CCT2: variants seen among roughly 807,000 people sequenced by gnomAD.
The protein encoded by CCT2 is T-complex protein 1 subunit beta.
CCT2 carries 18 observed loss-of-function variants against 61.8 expected under a neutral mutation model. The ratio of observed to expected loss-of-function variants is 0.29; its 90% CI spans 0.20 to 0.43. CCT2 has a LOEUF of 0.43. Among genes scored for constraint, CCT2 ranks in the 20% least tolerant of loss-of-function variants. CCT2 has a pLI of 1.00. For missense variants in CCT2, 556 were observed against 656.9 expected (o/e 0.85, Z 1.68); for synonymous variants, 248 against 215.9 (o/e 1.15, Z -1.30).
intron 12 of CCT2, 60 bp downstream of exon 12, chr12:69,597,826 A>T: frequency 6.6e-7 from 1 of 1,509,550 alleles, no homozygotes; most frequent in South Asian, 1.2e-5. Context: ...TATAAGTCAT[A>T]AGTGGTTTTA....
intron 1 of CCT2, chr12:69,585,860 G>T (rs1428439660): frequency 7.6e-7 from 1 of 1,307,418 alleles, no homozygotes; most frequent in African/African-American, 1.5e-5. Context: ...GGAGCGACGG[G>T]GTCTGAGCCA....
intron 7 of CCT2, among the ~76,000 whole-genome samples, chr12:69,590,982 G>T (rs1881818505): frequency 1.3e-5 from 2 of 151,692 alleles, no homozygotes; most frequent in Non-Finnish European, 2.9e-5. Flanking sequence ...GCCTCCCAAA[G>T]TACTGGGATT....
At chr12:69,590,563 A>G (rs910326531) in intron 7 of CCT2, among the ~76,000 whole-genome samples, 6 of 152,198 alleles carry the variant, frequency 3.9e-5, no homozygotes, top group African/African-American at 9.7e-5. Flanking sequence ...AGAAGGAAAA[A>G]AAAAGAATTA....
At chr12:69,592,844 C>A in intron 8 of CCT2, 132 bp from the exon 9 acceptor site, 1 of 711,126 alleles carries the variant, frequency 1.4e-6, no homozygotes, top group Non-Finnish European at 2.2e-6. Flanking sequence ...AGGAGAATCA[C>A]TTGAACCCAG....
Position 69,601,404 on chromosome 12 carries a change from T to G in CCT2, c.*79T>G. The G allele has an allele frequency of 6.2e-7, 1 of 1,613,312 alleles. No individual in the cohort carries two copies. Among genetic ancestry groups the G allele is most frequent in the Non-Finnish European group, 8.5e-7 (1 of 1,179,724 alleles). The stretch of plus-strand genomic sequence containing the variant: ...AAAGATACTCTATTAAAGAAGACTG[T>G]GGAATCTGTTTATCGGTGCCCATTA... On this transcript the variant is annotated 3_prime_UTR_variant, in exon 16 of 16. Coordinates refer to ENST00000299300, the MANE Select transcript of CCT2 (RefSeq NM_006431.3).
intron 10 of CCT2, among the ~76,000 whole-genome samples, chr12:69,596,653 AAGTGTAT>A: frequency 6.6e-6 from 1 of 152,308 alleles, no homozygotes; most frequent in African/African-American, 2.4e-5. Context: ...GCAGTTCATG[AAGTGTAT>A]AGTGGTTGAC....
chr12:69,590,740 G>A (rs1411819016), intron 7 of CCT2, among the ~76,000 whole-genome samples: 9 of 140,498 alleles, frequency 6.4e-5, no homozygotes, highest in East Asian at 2.2e-4. Flanking sequence ...TTTTTGAGAC[G>A]GAGTCTGGCT....
intron 15 of CCT2, among the ~76,000 whole-genome samples, chr12:69,600,993 G>T (rs530853414): frequency 4.6e-5 from 7 of 152,172 alleles, no homozygotes; most frequent in Non-Finnish European, 8.8e-5. Context: ...GCATCACACA[G>T]AGGAGGGGGC....
rs970260674 is a variant in CCT2 at position 69,585,842 on chromosome 12, C to T, written c.3+318C>T. 1.4e-5 allele frequency: 18 copies of T among 1,312,902 alleles called. No individual in the cohort carries two copies. In the Admixed American group the frequency reaches 5.1e-4, roughly 38 times the overall value. 81.3% of individuals were successfully genotyped at this position (1,312,902 alleles called of 1,614,324 possible). A position where few individuals can be genotyped will look rare whatever the true frequency, so the allele number is the denominator to read the frequency against. On this transcript the variant is annotated intron_variant, in intron 1 of 15. Coordinates refer to ENST00000299300, the MANE Select transcript of CCT2 (RefSeq NM_006431.3). Reference sequence around the variant, plus strand: ...ACCCGCTCCGCCCTCCTTCTAGGGGCGGAGCCTGGAGCGACGGGGTCTGAG... The same window carrying T: ...ACCCGCTCCGCCCTCCTTCTAGGGGTGGAGCCTGGAGCGACGGGGTCTGAG...
intron 10 of CCT2, 133 bp from the exon 11 acceptor site, chr12:69,597,023 C>T (rs1283630577): frequency 2.2e-5 from 15 of 683,544 alleles, no homozygotes; most frequent in Non-Finnish European, 3.6e-5. Context: ...AAAAGAGTGC[C>T]AGGAATATAA....
At chr12:69,596,092 CTCATGTAGAAGGATGAAGTGAAAAGTT>C (rs1881981240) in intron 10 of CCT2, among the ~76,000 whole-genome samples, 1 of 152,128 alleles carries the variant, frequency 6.6e-6, no homozygotes, top group East Asian at 1.9e-4. Flanking sequence ...AAAGAAAAGT[CTCATGTAGAAGGATGAAGTGAAAAGTT>C]TCATAAGCCA....
intron 10 of CCT2, among the ~76,000 whole-genome samples, chr12:69,595,090 G>T (rs186716374): frequency 7.4e-6 from 1 of 135,022 alleles, no homozygotes; most frequent in Non-Finnish European, 1.6e-5. Context: ...GTTATGAGTT[G>T]TGAAGTCAGT....
Position 69,593,619 on chromosome 12 carries a change from G to GA in CCT2, c.982+12dup. ...ACGCCTAGCTCTTGTCACAGGTATG[G>GA]AAAAAAGGTATTGTTTTCTAACAAA... On this transcript the variant is annotated splice_region_variant and intron_variant, in intron 10 of 15. Coordinates refer to ENST00000299300, the MANE Select transcript of CCT2 (RefSeq NM_006431.3). 6.4e-7 allele frequency: 1 copy of GA among 1,557,324 alleles called. No homozygotes were observed. Among genetic ancestry groups the GA allele is most frequent in the Non-Finnish European group, 8.8e-7 (1 of 1,133,316 alleles).
intron 14 of CCT2, among the ~76,000 whole-genome samples, chr12:69,599,399 T>G (rs1303871629): frequency 6.6e-6 from 1 of 151,328 alleles, no homozygotes; most frequent in Non-Finnish European, 1.5e-5. Context: ...TATTTATTTA[T>G]TTTTTGAGAT....
At chr12:69,588,074 C>A in intron 5 of CCT2, 68 bp downstream of exon 5, 2 of 1,523,464 alleles carry the variant, frequency 1.3e-6, no homozygotes, top group African/African-American at 1.4e-5. Context: ...CTAGTCCTTA[C>A]TTCCTCTGTC....
intron 15 of CCT2, among the ~76,000 whole-genome samples, 179 bp from the exon 16 acceptor site, chr12:69,601,116 A>C (rs1244141561): frequency 6.6e-6 from 1 of 152,204 alleles, no homozygotes; most frequent in Non-Finnish European, 1.5e-5. Context: ...CCAACTTCCA[A>C]TACTGCCACA....
intron 1 of CCT2, 128 bp downstream of exon 1, chr12:69,585,652 G>C (rs1459402210): frequency 2.0e-6 from 3 of 1,535,708 alleles, no homozygotes; most frequent in Non-Finnish European, 2.6e-6. Flanking sequence ...CACATGGTGC[G>C]AGCCATGCGC....
At chr12:69,591,035 G>A (rs1227013009) in intron 7 of CCT2, among the ~76,000 whole-genome samples, 1 of 152,082 alleles carries the variant, frequency 6.6e-6, no homozygotes, top group Non-Finnish European at 1.5e-5. Flanking sequence ...TAGCATTTCT[G>A]ATAGGGGCTG....
At chr12:69,597,860 T>G (rs184470950) in intron 12 of CCT2, 94 bp downstream of exon 12, 1 of 1,415,912 alleles carries the variant, frequency 7.1e-7, no homozygotes, top group East Asian at 2.4e-5. Context: ...AAATCTTATA[T>G]TGCTTTTGCA....
Sources: allele counts gnomAD v4.1 joint callset (sites outside exome capture counted in the v4.1 genomes callset), GRCh38; gene constraint gnomAD v4.1.1; transcripts MANE v1.5; gene names NCBI Gene and HGNC (gene_info 2026-07-23, HGNC 2026-07-21).